JAKMIP1: variants seen among roughly 807,000 people sequenced by gnomAD.
JAKMIP1 encodes the protein janus kinase and microtubule interacting protein 1.
Under a neutral mutation model 113.0 loss-of-function variants are expected in JAKMIP1, and 33 were observed. The ratio of observed to expected loss-of-function variants is 0.29; its 90% CI spans 0.22 to 0.39. JAKMIP1 has a LOEUF of 0.39. JAKMIP1 is among the 10% of genes least tolerant of loss of function. The pLI is 1.00. For missense variants in JAKMIP1, 813 were observed against 1,080.5 expected (o/e 0.75, Z 3.47); for synonymous variants, 480 against 459.9 (o/e 1.04, Z -0.56).
At position 6,097,072 on chromosome 4, in the gene JAKMIP1, G is replaced by C. The variant is rs2090111; in HGVS notation, c.624+8401C>G. Among the ~76,000 whole-genome samples the C allele has an allele frequency of 1.1e-3, 170 of 152,096 alleles. No individual in the cohort carries two copies. The highest frequency in any genetic ancestry group is 1.7e-3 in the Non-Finnish European group (114 of 67,988). On this transcript the variant is annotated intron_variant, in intron 3 of 20. Coordinates refer to ENST00000409021, the MANE Select transcript of JAKMIP1 (RefSeq NM_001099433.2). This position sits in a 1 kb window ranked among gnomAD's most constrained non-coding sequence, Gnocchi z 4.3. Reference sequence around the variant, plus strand: ...GCTGGAGTGCAGGGGCATGATCGTAGGTCACAGTAGCCTCAATCTGCTGGC... The same window carrying C: ...GCTGGAGTGCAGGGGCATGATCGTACGTCACAGTAGCCTCAATCTGCTGGC...
chr4:6,169,961 TCACCACCACCACCACCACTACCAC>T (rs1399227725), intron 1 of JAKMIP1, among the ~76,000 whole-genome samples: 2,748 of 145,982 alleles, frequency 0.019, 75 homozygotes, highest in African/African-American at 0.066. Flanking sequence ...ATCACTCTCA[TCACCACCACCACCACCACTACCAC>T]CACCACCACC....
Position 6,031,161 on chromosome 4 carries a change from G to A in JAKMIP1, c.2380-1380C>T, listed in dbSNP as rs867760477. Among the ~76,000 whole-genome samples, 87 of 152,312 alleles carry A rather than the reference G, an allele frequency of 5.7e-4. No individual in the cohort carries two copies. Among genetic ancestry groups the A allele is most frequent in the African/African-American group, 1.7e-3 (69 of 41,570 alleles). ...AAGAAAACCAAGAGGGGCTGGGCAC[G>A]GTGGCTCAAGCCTGTAATCCCAGCA... On this transcript the variant is annotated intron_variant, in intron 19 of 20. Transcript: ENST00000409021. The surrounding 1 kb of genome is among the most constrained non-coding windows in gnomAD (Gnocchi z 4.4).
At position 6,093,742 on chromosome 4, in the gene JAKMIP1, A is replaced by G. The variant is rs1386935995; in HGVS notation, c.625-8113T>C. On this transcript the variant is annotated intron_variant, in intron 3 of 20. Transcript: ENST00000409021. The surrounding 1 kb of genome is among the most constrained non-coding windows in gnomAD (Gnocchi z 4.6). ...GTGCCCTGAAAAGTATCCTGTCTCC[A>G]GAGAGGAATGATGCTTACTTGGGAA... 3.3e-5 allele frequency among the ~76,000 whole-genome samples: 5 copies of G among 152,156 alleles called. No individual in the cohort carries two copies.
Position 6,040,579 on chromosome 4 carries a change from A to G in JAKMIP1, c.2175+60T>C. 7.8e-7 allele frequency: 1 copy of G among 1,274,626 alleles called. No homozygotes were observed. The highest frequency in any genetic ancestry group is 1.8e-5 in the Admixed American group (1 of 56,720). 79.0% of individuals were successfully genotyped at this position (1,274,626 alleles called of 1,614,324 possible). A position where few individuals can be genotyped will look rare whatever the true frequency, so the allele number is the denominator to read the frequency against. ...AAATGCAGTTTCAGCCCCAGAGGAA[A>G]AAGCAGCCTCTAATGTGGAGTCTAA... On this transcript the variant is annotated intron_variant, in intron 18 of 20. Coordinates refer to ENST00000409021, the MANE Select transcript of JAKMIP1 (RefSeq NM_001099433.2). The surrounding 1 kb of genome is among the most constrained non-coding windows in gnomAD (Gnocchi z 5.8).
In JAKMIP1 at chr4:6,139,311, G is replaced by A. The variant is rs1228081507; in HGVS notation, c.-147-26314C>T. ...ATTGAAAAGTATTCTTGATTTATGT[G>A]AAAGGGTTTAAATTGTGTCACTCCC... On this transcript the variant is annotated intron_variant, in intron 1 of 20. Transcript: ENST00000409021. The surrounding 1 kb of genome is among the most constrained non-coding windows in gnomAD (Gnocchi z 5.2). Among the ~76,000 whole-genome samples the A allele has an allele frequency of 6.6e-6, 1 of 152,164 alleles. No individual in the cohort carries two copies. The highest frequency in any genetic ancestry group is 2.4e-5 in the African/African-American group (1 of 41,404).
At chr4:6,125,413 A>G (rs1188278446) in intron 1 of JAKMIP1, among the ~76,000 whole-genome samples, 1 of 152,066 alleles carries the variant, frequency 6.6e-6, no homozygotes, top group East Asian at 1.9e-4. Context: ...TCCCAGCTCC[A>G]TCTATGGCTA....
In JAKMIP1 at chr4:6,059,842, C is replaced by T. The variant is rs1303548055; in HGVS notation, c.1644+582G>A. 6.6e-6 allele frequency among the ~76,000 whole-genome samples: 1 copy of T among 152,152 alleles called. No homozygotes were observed. Among genetic ancestry groups the T allele is most frequent in the African/African-American group, 2.4e-5 (1 of 41,432 alleles). ...CATGCCACCCCGAGAGGCCAGATTT[C>T]CACCCAGAGCCCTCTCTGGCTCCCC... On this transcript the variant is annotated intron_variant, in intron 11 of 20. Transcript: ENST00000409021. This position sits in a 1 kb window ranked among gnomAD's most constrained non-coding sequence, Gnocchi z 4.8.
chr4:6,074,510 CA>C, intron 8 of JAKMIP1, among the ~76,000 whole-genome samples: 2 of 152,294 alleles, frequency 1.3e-5, no homozygotes, highest in East Asian at 3.9e-4. Context: ...GGGGGCATTT[CA>C]GGGGAAAAAG....
intron 1 of JAKMIP1, among the ~76,000 whole-genome samples, chr4:6,182,096 T>A (rs1368333833): frequency 6.6e-6 from 1 of 152,022 alleles, no homozygotes; most frequent in Non-Finnish European, 1.5e-5. Flanking sequence ...GAAGCCCTCA[T>A]GATGAGATTA....
rs1207219168 is a variant in JAKMIP1 at position 6,138,960 on chromosome 4, T to C, written c.-147-25963A>G. Among the ~76,000 whole-genome samples, 1 of 152,116 alleles carries C rather than the reference T, an allele frequency of 6.6e-6. No individual in the cohort carries two copies. The highest frequency in any genetic ancestry group is 1.5e-5 in the Non-Finnish European group (1 of 68,030). On this transcript the variant is annotated intron_variant, in intron 1 of 20. Coordinates refer to ENST00000409021, the MANE Select transcript of JAKMIP1 (RefSeq NM_001099433.2). This position sits in a 1 kb window ranked among gnomAD's most constrained non-coding sequence, Gnocchi z 6.0. ...GGGCTTACTGAACTCTCACGAGCCT[T>C]CATCTGGCTGGAATATGTCTCCCCA...
chr4:6,112,819 T>C lies in JAKMIP1; in HGVS notation c.32A>G (p.Lys11Arg), dbSNP rs1299084496. The change falls in exon 2 of 21, where the codon AAG becomes AGG. Residue 11 changes from lysine (K) to arginine (R), a missense_variant. Coordinates refer to ENST00000409021, the MANE Select transcript of JAKMIP1 (RefSeq NM_001099433.2). ...CACCGCGTCCGTCTCCATCTCGGGC[T>C]TCTCGCCCTTGCTCCGGCCTTTCTT... is the stretch of plus-strand genomic sequence containing the variant. MSKKGRSKGE[K>R]PEMETDAVQM... The C allele has an allele frequency of 1.6e-5, 26 of 1,614,084 alleles. No homozygotes were observed. The highest frequency in any genetic ancestry group is 2.1e-5 in the Non-Finnish European group (25 of 1,180,034).
intron 8 of JAKMIP1, among the ~76,000 whole-genome samples, chr4:6,071,762 T>C (rs1718989581): frequency 6.6e-6 from 1 of 152,196 alleles, no homozygotes; most frequent in Non-Finnish European, 1.5e-5. Context: ...GCTTGTCTGC[T>C]GAGACGCCTG....
rs531594718 is a variant in JAKMIP1 at position 6,080,809 on chromosome 4, T to C, written c.1102-497A>G. 6.6e-6 allele frequency among the ~76,000 whole-genome samples: 1 copy of C among 152,236 alleles called. No homozygotes were observed. The highest frequency in any genetic ancestry group is 6.5e-5 in the Admixed American group (1 of 15,288). On this transcript the variant is annotated intron_variant, in intron 6 of 20. Coordinates refer to ENST00000409021, the MANE Select transcript of JAKMIP1 (RefSeq NM_001099433.2). This position sits in a 1 kb window ranked among gnomAD's most constrained non-coding sequence, Gnocchi z 6.0. ...GGACTAATACGTGGCCACCTTGTCC[T>C]GTGCTGGAAGAGGGGACAGGGCAGA...
intron 3 of JAKMIP1, among the ~76,000 whole-genome samples, chr4:6,098,722 A>G (rs935506886): frequency 7.9e-3 from 103 of 12,984 alleles, no homozygotes; most frequent in South Asian, 0.025. Flanking sequence ...GAAAGAAAGA[A>G]AAAGAAAGAA....
rs1206136766 is a variant in JAKMIP1 at position 6,061,052 on chromosome 4, T to C, written c.1561-545A>G. ...GGGTAACAGGGAGTGGTGGGGACTG[T>C]GGCAAGCCAGAGGCACACGTCCCAT... is the stretch of plus-strand genomic sequence containing the variant. On this transcript the variant is annotated intron_variant, in intron 10 of 20. Coordinates refer to ENST00000409021, the MANE Select transcript of JAKMIP1 (RefSeq NM_001099433.2). The surrounding 1 kb of genome is among the most constrained non-coding windows in gnomAD (Gnocchi z 5.3). 3.3e-5 allele frequency among the ~76,000 whole-genome samples: 5 copies of C among 152,278 alleles called. No individual in the cohort carries two copies. In the East Asian group the frequency reaches 9.6e-4, roughly 29 times the overall value.
At chr4:6,077,337 C>T (rs1719821930) in intron 8 of JAKMIP1, among the ~76,000 whole-genome samples, 1 of 151,870 alleles carries the variant, frequency 6.6e-6, no homozygotes, top group African/African-American at 2.4e-5. Flanking sequence ...ACCAAGGACA[C>T]CAAAGATTGC....
chr4:6,075,469 G>C (rs1341211144), intron 8 of JAKMIP1, among the ~76,000 whole-genome samples: 1 of 152,116 alleles, frequency 6.6e-6, no homozygotes, highest in Non-Finnish European at 1.5e-5. Flanking sequence ...GAGAAAACTT[G>C]GTCCACACGG....
chr4:6,124,210 C>T (rs1037784712), intron 1 of JAKMIP1, among the ~76,000 whole-genome samples: 50 of 152,226 alleles, frequency 3.3e-4, no homozygotes, highest in African/African-American at 1.2e-3. Flanking sequence ...CGAGGGCTGG[C>T]GACCATTGCT....
chr4:6,114,688 T>C (rs1278692575), intron 1 of JAKMIP1, among the ~76,000 whole-genome samples: 1 of 152,238 alleles, frequency 6.6e-6, no homozygotes, highest in African/African-American at 2.4e-5. Context: ...TCACCGCTGA[T>C]CGATTCCAGA....
Sources: gnomAD v4.1 joint callset for allele counts (sites outside exome capture counted in the v4.1 genomes callset) on GRCh38, gnomAD v4.1.1 for gene constraint, Gnocchi (gnomAD v3.1) non-coding constraint, MANE v1.5 for transcripts, NCBI Gene and HGNC (gene_info 2026-07-23, HGNC 2026-07-21) for gene names.